Variants in TRAK1 observed in about 807,000 individuals in gnomAD.
The protein encoded by TRAK1 is trafficking kinesin-binding protein 1.
In TRAK1, 33 loss-of-function variants were observed where a neutral mutation model predicts 92.1. The ratio of observed to expected loss-of-function variants is 0.36; its 90% CI spans 0.27 to 0.48. The LOEUF (loss-of-function observed/expected upper bound fraction) is 0.48. Ranked by LOEUF, TRAK1 falls within the 20% of genes least tolerant of loss-of-function variation. TRAK1 has a pLI of 0.99. For synonymous variants in TRAK1, 521 were observed against 517.3 expected, an observed-to-expected ratio of 1.01 and a Z score of -0.10; for missense variants, 1,123 against 1,257.9, an observed-to-expected ratio of 0.89 and a Z score of 1.62.
At chr3:42,200,087 C>G (rs1378366690) in intron 11 of TRAK1, among the ~76,000 whole-genome samples, 1 of 152,146 alleles carries the variant, frequency 6.6e-6, no homozygotes, top group Non-Finnish European at 1.5e-5. Context: ...ACATGTGGAC[C>G]AGGTTTCATT....
intron 1 of TRAK1, among the ~76,000 whole-genome samples, chr3:42,030,372 A>AAAT (rs540353037): frequency 2.6e-4 from 35 of 132,312 alleles, no homozygotes; most frequent in Admixed American, 5.6e-4. Flanking sequence ...TAAAAAAAAA[A>AAAT]ATATATATAT....
rs1052779981 is a variant in TRAK1, at chr3:42,224,641, T to C, written c.*904T>C. ...ACCCAGAGTCACAACCAAATTGATT[T>C]AAGACCGGACCCAAGACACCTTTAA... On this transcript the variant is annotated 3_prime_UTR_variant, in exon 16 of 16. Coordinates refer to ENST00000327628, the MANE Select transcript of TRAK1 (RefSeq NM_001042646.3). The C allele has an allele frequency of 7.2e-5, 11 of 152,250 alleles. No individual in the cohort carries two copies. The highest frequency in any genetic ancestry group is 2.7e-4 in the African/African-American group (11 of 41,422). The allele number at this position is 152,250 out of a possible 1,614,324, so 9.4% of individuals were successfully genotyped here. A position where few individuals can be genotyped will look rare whatever the true frequency, so the allele number is the denominator to read the frequency against.
At chr3:42,139,049 G>A (rs2149209372) in intron 2 of TRAK1, among the ~76,000 whole-genome samples, 1 of 152,134 alleles carries the variant, frequency 6.6e-6, no homozygotes, top group African/African-American at 2.4e-5. Flanking sequence ...GTTGTGCTGA[G>A]TTGGAAAGGG....
chr3:42,182,274 C>T (rs571059052), intron 3 of TRAK1, among the ~76,000 whole-genome samples: 3 of 150,108 alleles, frequency 2.0e-5, no homozygotes, highest in East Asian at 3.9e-4. Flanking sequence ...ATTGTGGGAA[C>T]GAGTTGGGGG....
At chr3:42,098,306 T>TTTTTTTTTTTTTTTTTTTG (rs1706241697) in intron 1 of TRAK1, among the ~76,000 whole-genome samples, 1 of 152,186 alleles carries the variant, frequency 6.6e-6, no homozygotes, top group Non-Finnish European at 1.5e-5. Flanking sequence ...TAGAGCTTCT[T>TTTTTTTTTTTTTTTTTTTG]AAGTACAGGC....
chr3:42,097,813 AT>A (rs1353109532), intron 1 of TRAK1, among the ~76,000 whole-genome samples: 1 of 152,176 alleles, frequency 6.6e-6, no homozygotes, highest in East Asian at 1.9e-4. Flanking sequence ...GAGTTTTTAA[AT>A]TTCCCAGACA....
intron 1 of TRAK1, among the ~76,000 whole-genome samples, chr3:42,113,304 A>G (rs1308136048): frequency 6.6e-6 from 1 of 152,160 alleles, no homozygotes; most frequent in Non-Finnish European, 1.5e-5. Flanking sequence ...TTTTCTCAAA[A>G]GCATTGTTAT....
chr3:42,121,087 T>A, intron 1 of TRAK1, among the ~76,000 whole-genome samples: 1 of 152,248 alleles, frequency 6.6e-6, no homozygotes, highest in East Asian at 1.9e-4. Context: ...TCCTACCTGA[T>A]CTGCTGCTTA....
chr3:42,104,481 C>A (rs543579193), intron 1 of TRAK1, among the ~76,000 whole-genome samples: 2 of 152,168 alleles, frequency 1.3e-5, no homozygotes, highest in East Asian at 3.9e-4. Flanking sequence ...AGCTGGGTGC[C>A]CCTCGGAGAT....
At chr3:42,119,940 A>G (rs769951268) in intron 1 of TRAK1, among the ~76,000 whole-genome samples, 6 of 152,242 alleles carry the variant, frequency 3.9e-5, no homozygotes, top group African/African-American at 7.2e-5. Context: ...GAGCAATAGT[A>G]TGATTTAAAA....
chr3:42,137,958 C>T (rs2149203512), intron 2 of TRAK1, among the ~76,000 whole-genome samples: 1 of 152,270 alleles, frequency 6.6e-6, no homozygotes. Flanking sequence ...GATTTTCACT[C>T]TCTAGTTAAT....
At chr3:42,115,217 A>C (rs1310861690) in intron 1 of TRAK1, among the ~76,000 whole-genome samples, 3 of 152,182 alleles carry the variant, frequency 2.0e-5, no homozygotes, top group African/African-American at 7.2e-5. Context: ...TTGTGTTTTA[A>C]TATTAGAATC....
At chr3:42,021,125 G>T (rs1701706616) in intron 1 of TRAK1, among the ~76,000 whole-genome samples, 1 of 152,156 alleles carries the variant, frequency 6.6e-6, no homozygotes, top group African/African-American at 2.4e-5. Flanking sequence ...TGATTTAGAG[G>T]AAAGGTGGGG....
intron 2 of TRAK1, among the ~76,000 whole-genome samples, chr3:42,157,129 G>C (rs1700624311): frequency 6.6e-6 from 1 of 151,314 alleles, no homozygotes; most frequent in South Asian, 2.1e-4. Context: ...TCCAGCCTGG[G>C]AGAGAGAGTG....
intron 2 of TRAK1, among the ~76,000 whole-genome samples, chr3:42,137,536 A>G (rs191607363): frequency 6.6e-6 from 1 of 152,374 alleles, no homozygotes; most frequent in Admixed American, 6.5e-5. Context: ...TGAATATGGC[A>G]TATCATTTCA....
At chr3:42,068,147 G>A (rs907763902) in intron 1 of TRAK1, among the ~76,000 whole-genome samples, 2 of 151,670 alleles carry the variant, frequency 1.3e-5, no homozygotes, top group African/African-American at 4.8e-5. Flanking sequence ...GCAAGAGAGC[G>A]AGACTCTGTC....
chr3:42,127,959 A>C (rs1160872804), intron 2 of TRAK1, among the ~76,000 whole-genome samples: 1 of 152,106 alleles, frequency 6.6e-6, no homozygotes, highest in Non-Finnish European at 1.5e-5. Context: ...CGGGTGAATC[A>C]CCTGAGGTTG....
chr3:42,165,525 T>C (rs371204517), intron 2 of TRAK1, among the ~76,000 whole-genome samples: 4 of 151,992 alleles, frequency 2.6e-5, no homozygotes, highest in African/African-American at 9.7e-5. Context: ...CTGGGCCCTG[T>C]GGGGGAATAA....
intron 1 of TRAK1, among the ~76,000 whole-genome samples, chr3:42,120,239 T>C (rs1576457680): frequency 1.3e-5 from 2 of 152,236 alleles, no homozygotes. Flanking sequence ...GCTGTTGTTA[T>C]TGCATATCTA....
Sources: allele counts gnomAD v4.1 joint callset (sites outside exome capture counted in the v4.1 genomes callset), GRCh38; gene constraint gnomAD v4.1.1; transcripts MANE v1.5; gene names NCBI Gene and HGNC (gene_info 2026-07-23, HGNC 2026-07-21).